The following ZNF362 variants were observed in gnomAD, a reference collection of about 807,000 sequenced individuals.
ZNF362 encodes the protein rotund homolog.
ZNF362 carries 11 observed loss-of-function variants against 42.9 expected under a neutral mutation model. That is an observed-to-expected ratio of 0.26 (90% CI 0.16 to 0.42). ZNF362 has a LOEUF of 0.42. Among genes scored for constraint, ZNF362 ranks in the 20% least tolerant of loss-of-function variants. ZNF362 has a pLI of 1.00. For missense variants in ZNF362, 362 were observed against 576.2 expected, an observed-to-expected ratio of 0.63 and a Z score of 3.81; for synonymous variants, 255 against 257.3, an observed-to-expected ratio of 0.99 and a Z score of 0.09.
the ZNF362 span, among the ~76,000 whole-genome samples, chr1:33,136,883 G>C: frequency 1.3e-5 from 2 of 151,710 alleles, no homozygotes; most frequent in African/African-American, 4.8e-5. Context: ...TGTAGTCCCA[G>C]CTGCTTGGGA....
rs60197226 is a variant in ZNF362 at position 33,288,743 on chromosome 1, C to CAAAAA, written c.909-6179_909-6175dup. Among the ~76,000 whole-genome samples the CAAAAA allele has an allele frequency of 8.4e-3, 229 of 27,348 alleles. 28 individuals are homozygous for CAAAAA. Among genetic ancestry groups the CAAAAA allele is most frequent in the African/African-American group, 0.02 (151 of 7,582 alleles). The allele number at this position is 27,348 out of a possible 152,430, so 17.9% of individuals were successfully genotyped here. A position where few individuals can be genotyped will look rare whatever the true frequency, so the allele number is the denominator to read the frequency against. ...TCGGCGATAGAGCGAGACTCTGTCTCAAAAAAAAAAAAAAAAAAAGAAGCG... is the reference window on the plus strand; with the variant it reads ...TCGGCGATAGAGCGAGACTCTGTCTCAAAAAAAAAAAAAAAAAAAAAAAAGAAGCG... On this transcript the variant is annotated intron_variant, in intron 6 of 8. Coordinates refer to ENST00000539719, the MANE Select transcript of ZNF362 (RefSeq NM_152493.3).
chr1:33,203,868 A>G, the ZNF362 span, among the ~76,000 whole-genome samples: 3 of 152,106 alleles, frequency 2.0e-5, no homozygotes, highest in African/African-American at 4.8e-5. Flanking sequence ...AGTTTCTTAT[A>G]TATTTTGGAT....
the ZNF362 span, among the ~76,000 whole-genome samples, chr1:33,191,509 TTTTTG>T: frequency 6.6e-6 from 1 of 150,718 alleles, no homozygotes; most frequent in African/African-American, 2.4e-5. Flanking sequence ...TTTGTTTTTG[TTTTTG>T]TTTTTGTTTT....
Position 33,280,393 on chromosome 1 carries a change from G to A in ZNF362, c.619G>A (p.Val207Ile), listed in dbSNP as rs538687606. 1 of 1,613,432 alleles carries A rather than the reference G, an allele frequency of 6.2e-7. No homozygotes were observed. The highest frequency in any genetic ancestry group is 2.2e-5 in the East Asian group (1 of 44,830). Residue 207 changes from valine (V) to isoleucine (I), a missense_variant, in exon 5 of 9, where the codon GTC (valine) becomes ATC (isoleucine). Val to Ile is a conservative substitution (Grantham distance 29). Transcript: ENST00000539719. The surrounding 1 kb of genome is among the most constrained non-coding windows in gnomAD (Gnocchi z 5.6). ...IKAENPGGPPVLVVPYPILAS... is the reference protein window; with the variant it reads ...IKAENPGGPPILVVPYPILAS... ...GGCGGAGAACCCGGGGGGTCCGCCT[G>A]TCCTTGTAGTCCCCTATCCCATCCT...
intron 1 of ZNF362, among the ~76,000 whole-genome samples, chr1:33,269,157 G>A (rs969747113): frequency 6.6e-6 from 1 of 152,200 alleles, no homozygotes; most frequent in Non-Finnish European, 1.5e-5. Flanking sequence ...GCATGCAACA[G>A]TCAACTGCCT....
At chr1:33,158,323 G>A in the ZNF362 span, 3 of 1,614,018 alleles carry the variant, frequency 1.9e-6, no homozygotes, top group Non-Finnish European at 2.5e-6. Flanking sequence ...TGGAGGTCGG[G>A]AAGTCTTCAT....
chr1:33,168,834 C>A, the ZNF362 span, among the ~76,000 whole-genome samples: 2 of 152,302 alleles, frequency 1.3e-5, no homozygotes, highest in African/African-American at 4.8e-5. Flanking sequence ...ACAATTCTCC[C>A]CCTGGTGGCC....
the ZNF362 span, among the ~76,000 whole-genome samples, chr1:33,138,896 T>C: frequency 6.6e-6 from 1 of 152,114 alleles, no homozygotes; most frequent in Non-Finnish European, 1.5e-5. Context: ...GGGGAAAGGG[T>C]TGGGCTTCTA....
chr1:33,271,509 C>CTGGT (rs1166015968), intron 2 of ZNF362, among the ~76,000 whole-genome samples: 1 of 152,238 alleles, frequency 6.6e-6, no homozygotes, highest in Non-Finnish European at 1.5e-5. Flanking sequence ...GATCACACAG[C>CTGGT]TGGTGAGTTG....
chr1:33,173,105 C>A, the ZNF362 span, among the ~76,000 whole-genome samples: 1 of 152,200 alleles, frequency 6.6e-6, no homozygotes, highest in Non-Finnish European at 1.5e-5. Flanking sequence ...TTTCCTCCCC[C>A]AACCCCAATC....
chr1:33,204,487 T>C, the ZNF362 span, among the ~76,000 whole-genome samples: 1 of 152,218 alleles, frequency 6.6e-6, no homozygotes, highest in African/African-American at 2.4e-5. Context: ...AATTTTAGAA[T>C]TGCTTTTCCT....
At chr1:33,136,975 C>T in the ZNF362 span, among the ~76,000 whole-genome samples, 27 of 149,318 alleles carry the variant, frequency 1.8e-4, no homozygotes, top group East Asian at 4.4e-3. Context: ...CCAGCCTGGG[C>T]GACAGAGCAA....
At chr1:33,276,648 C>A in intron 4 of ZNF362, 54 bp downstream of exon 4, 1 of 1,288,526 alleles carries the variant, frequency 7.8e-7, no homozygotes, top group South Asian at 2.1e-5. Flanking sequence ...CAGGAGGGGG[C>A]GGGCGTAGCG....
chr1:33,160,305 C>A, the ZNF362 span, among the ~76,000 whole-genome samples: 4 of 151,924 alleles, frequency 2.6e-5, no homozygotes, highest in African/African-American at 9.7e-5. Context: ...AGGTTTCTGG[C>A]TTGGGGGTAG....
the ZNF362 span, chr1:33,158,159 AC>A: frequency 8.6e-7 from 1 of 1,162,794 alleles, no homozygotes; most frequent in Non-Finnish European, 1.3e-6. Flanking sequence ...CTGCTCATTC[AC>A]CCCAACTGCC....
chr1:33,193,004 C>CACACACACACATATATATAT, the ZNF362 span, among the ~76,000 whole-genome samples: 1,023 of 137,166 alleles, frequency 7.5e-3, 12 homozygotes, highest in South Asian at 0.053. Flanking sequence ...CACACACACA[C>CACACACACACATATATATAT]ATATATATAT....
chr1:33,297,241 A>G (rs1184059167), intron 8 of ZNF362, among the ~76,000 whole-genome samples: 2 of 152,270 alleles, frequency 1.3e-5, no homozygotes, highest in African/African-American at 4.8e-5. Flanking sequence ...CCAAGGCTCA[A>G]GTTTTCCATA....
At chr1:33,175,031 T>G in the ZNF362 span, among the ~76,000 whole-genome samples, 893 of 147,136 alleles carry the variant, frequency 6.1e-3, 10 homozygotes, top group African/African-American at 0.022. Flanking sequence ...ATGTATATGT[T>G]TATGTATATG....
chr1:33,227,313 C>T, the ZNF362 span, among the ~76,000 whole-genome samples: 1 of 152,130 alleles, frequency 6.6e-6, no homozygotes, highest in Non-Finnish European at 1.5e-5. Context: ...CAGCTTTGAC[C>T]AATAGAGTAT....
Sources: allele counts gnomAD v4.1 joint callset (sites outside exome capture counted in the v4.1 genomes callset), GRCh38; gene constraint gnomAD v4.1.1; non-coding constraint Gnocchi (gnomAD v3.1); transcripts MANE v1.5; gene names NCBI Gene and HGNC (gene_info 2026-07-23, HGNC 2026-07-21).